The following CTNNA2 variants were observed in gnomAD, a reference collection of about 807,000 sequenced individuals.
CTNNA2 encodes the protein catenin alpha-2.
CTNNA2 carries 42 observed loss-of-function variants against 101.0 expected under a neutral mutation model. The observed-to-expected ratio is 0.42, with a 90% confidence interval of 0.32 to 0.54. CTNNA2 has a LOEUF of 0.54. CTNNA2 is among the 20% of genes least tolerant of loss of function. The pLI, the probability that CTNNA2 is intolerant of heterozygous loss-of-function variation, is 0.14. For synonymous variants in CTNNA2, 450 were observed against 456.4 expected (o/e 0.99, Z 0.18); for missense variants, 871 against 1,223.1 (o/e 0.71, Z 4.29).
chr2:79,467,697 G>C (rs962498531), intron 4 of CTNNA2, among the ~76,000 whole-genome samples: 1 of 152,186 alleles, frequency 6.6e-6, no homozygotes, highest in African/African-American at 2.4e-5. Context: ...AATTCTACAA[G>C]CCAGAAGAGA....
intron 4 of CTNNA2, among the ~76,000 whole-genome samples, chr2:79,460,495 A>G (rs766885704): frequency 4.6e-5 from 7 of 152,164 alleles, no homozygotes; most frequent in Non-Finnish European, 7.4e-5. Context: ...TTATTCTATT[A>G]TCTAAATATC....
At chr2:79,672,384 A>C (rs1292736754) in intron 2 of CTNNA2, among the ~76,000 whole-genome samples, 1 of 152,236 alleles carries the variant, frequency 6.6e-6, no homozygotes, top group African/African-American at 2.4e-5. Context: ...TAATCAAGTT[A>C]AATAGAATAG....
chr2:79,401,104 A>G (rs940787655), intron 4 of CTNNA2, among the ~76,000 whole-genome samples: 3 of 151,938 alleles, frequency 2.0e-5, no homozygotes, highest in African/African-American at 4.8e-5. Flanking sequence ...CCCTAGGGCT[A>G]ATATGAAAGG....
At chr2:80,308,966 G>A (rs1301589265) in intron 7 of CTNNA2, among the ~76,000 whole-genome samples, 1 of 152,042 alleles carries the variant, frequency 6.6e-6, no homozygotes, top group Non-Finnish European at 1.5e-5. Flanking sequence ...GTGGGTGCCT[G>A]TAATCCCAGC....
intron 4 of CTNNA2, among the ~76,000 whole-genome samples, chr2:79,418,945 A>G (rs1157914257): frequency 6.6e-6 from 1 of 152,184 alleles, no homozygotes; most frequent in Non-Finnish European, 1.5e-5. Flanking sequence ...TAGGTCATTA[A>G]TGGCACAATT....
At chr2:79,825,809 C>T (rs1418579148) in intron 3 of CTNNA2, among the ~76,000 whole-genome samples, 1 of 151,994 alleles carries the variant, frequency 6.6e-6, no homozygotes, top group African/African-American at 2.4e-5. Flanking sequence ...GGACCAAGCC[C>T]TGAGGATCAG....
At position 79,211,147 on chromosome 2, in the gene CTNNA2, T is replaced by G. The variant is rs1674166931; in HGVS notation, c.-406+13071T>G. On this transcript the variant is annotated intron_variant, in intron 2 of 21. Transcript: ENST00000466387. ...CTTCTTGAGGAGGAATCCATGATTT[T>G]AAGTGGATGTTTGTTTAAATCTTAC... is the stretch of plus-strand genomic sequence containing the variant. Among the ~76,000 whole-genome samples, 3 of 152,320 alleles carry G rather than the reference T, an allele frequency of 2.0e-5. No individual in the cohort carries two copies. The South Asian group carries it at 6.2e-4, about 32-fold the overall frequency.
chr2:79,869,856 A>T lies in CTNNA2; in HGVS notation c.506A>T (p.Glu169Val). 1 of 1,614,184 alleles carries T rather than the reference A, an allele frequency of 6.2e-7. No homozygotes were observed. The highest frequency in any genetic ancestry group is 8.5e-7 in the Non-Finnish European group (1 of 1,180,038). ...GAAGCTGTCAAAAATGCTACAAATGAGCAAGACCTTGCAAACCGTTTTAAA... is the reference window on the plus strand; with the variant it reads ...GAAGCTGTCAAAAATGCTACAAATGTGCAAGACCTTGCAAACCGTTTTAAA... ...ALEAVKNATN[E>V]QDLANRFKEF... The change falls in exon 5 of 19, where the codon GAG becomes GTG. Residue 169 changes from glutamate (E) to valine (V), a missense_variant. Transcript: ENST00000402739.
At chr2:79,616,970 C>T (rs568847786) in intron 1 of CTNNA2, among the ~76,000 whole-genome samples, 11 of 150,990 alleles carry the variant, frequency 7.3e-5, no homozygotes, top group Non-Finnish European at 1.3e-4. Context: ...GGTGCAATCT[C>T]GGCTCACTGC....
intron 3 of CTNNA2, among the ~76,000 whole-genome samples, chr2:79,315,682 C>T (rs1037229078): frequency 2.6e-5 from 4 of 152,100 alleles, no homozygotes; most frequent in African/African-American, 9.7e-5. Flanking sequence ...GTTCTTTACA[C>T]ATTTTTGCTA....
chr2:80,095,835 G>A (rs1159479203), intron 7 of CTNNA2, among the ~76,000 whole-genome samples: 1 of 151,840 alleles, frequency 6.6e-6, no homozygotes, highest in Admixed American at 6.6e-5. Flanking sequence ...TATTTCTGTG[G>A]GATCGGTGGT....
intron 2 of CTNNA2, among the ~76,000 whole-genome samples, chr2:79,310,914 C>T (rs1212123012): frequency 6.6e-6 from 1 of 152,146 alleles, no homozygotes; most frequent in Non-Finnish European, 1.5e-5. Flanking sequence ...GAGTGGCCAT[C>T]TGTGCTCAGA....
At chr2:79,258,845 C>CAAAAAAAAAAAA (rs869066159) in intron 2 of CTNNA2, among the ~76,000 whole-genome samples, 10 of 91,400 alleles carry the variant, frequency 1.1e-4, no homozygotes, top group African/African-American at 3.7e-4. Flanking sequence ...AATCCTCTAC[C>CAAAAAAAAAAAA]AAAAAAAAAA....
chr2:79,922,791 T>C (rs1234379894), intron 7 of CTNNA2, among the ~76,000 whole-genome samples: 1 of 152,136 alleles, frequency 6.6e-6, no homozygotes, highest in Non-Finnish European at 1.5e-5. Flanking sequence ...CCGCCCAAGG[T>C]CACATGTTTA....
chr2:80,296,363 C>T (rs1675744003), intron 7 of CTNNA2, among the ~76,000 whole-genome samples: 1 of 152,122 alleles, frequency 6.6e-6, no homozygotes, highest in African/African-American at 2.4e-5. Flanking sequence ...TAAATCTCCA[C>T]TGTTAACTTG....
Position 79,287,416 on chromosome 2 carries a change from T to C in CTNNA2, c.-405-25293T>C, listed in dbSNP as rs1465460527. Among the ~76,000 whole-genome samples, 58 of 152,302 alleles carry C rather than the reference T, an allele frequency of 3.8e-4. No homozygotes were observed. The East Asian group carries it at 0.011, about 28-fold the overall frequency. On this transcript the variant is annotated intron_variant, in intron 2 of 21. Transcript: ENST00000466387. ...TACTTTTGGTCTTTGACGATGGTGA[T>C]GTACAGATGGGTTTTTGGTGTGGAT...
At chr2:80,433,174 C>A (rs1681702000) in intron 9 of CTNNA2, among the ~76,000 whole-genome samples, 1 of 152,096 alleles carries the variant, frequency 6.6e-6, no homozygotes, top group Admixed American at 6.5e-5. Flanking sequence ...TTACGTAGAG[C>A]TTAAAAAAAC....
intron 4 of CTNNA2, among the ~76,000 whole-genome samples, chr2:79,413,664 AT>A (rs911545783): frequency 2.6e-5 from 4 of 151,808 alleles, no homozygotes; most frequent in African/African-American, 9.7e-5. Context: ...GATTATAGTA[AT>A]TTTCATTTCC....
chr2:79,533,864 A>C (rs1028403337), intron 1 of CTNNA2, among the ~76,000 whole-genome samples: 1 of 152,136 alleles, frequency 6.6e-6, no homozygotes, highest in African/African-American at 2.4e-5. Flanking sequence ...ATATATCCAT[A>C]TATCCTACAT....
Sources: allele counts gnomAD v4.1 joint callset (sites outside exome capture counted in the v4.1 genomes callset), GRCh38; gene constraint gnomAD v4.1.1; transcripts MANE v1.5; gene names NCBI Gene and HGNC (gene_info 2026-07-23, HGNC 2026-07-21).